PKHD1: variants seen among roughly 807,000 people sequenced by gnomAD.
The protein encoded by PKHD1 is PKHD1 ciliary IPT domain containing fibrocystin/polyductin.
A neutral mutation model predicts 412.0 loss-of-function variants in PKHD1; 291 were observed. The observed-to-expected ratio is 0.71, with a 90% confidence interval of 0.64 to 0.78. The LOEUF (loss-of-function observed/expected upper bound fraction) is 0.78. Among genes scored for constraint, PKHD1 ranks in the 30% least tolerant of loss-of-function variants. The probability of loss-of-function intolerance (pLI) is 0.00; values close to 1 mark genes in which losing one functional copy is unlikely to be tolerated. For synonymous variants in PKHD1, 1,777 were observed against 1,821.5 expected (o/e 0.98, Z 0.62); for missense variants, 4,825 against 4,950.7 (o/e 0.97, Z 0.76).
chr6:51,717,889 G>A (rs1781465829), intron 60 of PKHD1, among the ~76,000 whole-genome samples: 1 of 152,208 alleles, frequency 6.6e-6, no homozygotes. Flanking sequence ...TAAAGCCAGT[G>A]ACGTAGGCAA....
At chr6:51,666,231 GA>G (rs888083222) in intron 60 of PKHD1, among the ~76,000 whole-genome samples, 1 of 151,814 alleles carries the variant, frequency 6.6e-6, no homozygotes, top group Non-Finnish European at 1.5e-5. Flanking sequence ...TTTAAAATGA[GA>G]AAAAAATCAC....
intron 35 of PKHD1, among the ~76,000 whole-genome samples, chr6:51,968,805 C>T (rs978567892): frequency 2.6e-5 from 4 of 152,152 alleles, no homozygotes; most frequent in Admixed American, 6.5e-5. Context: ...GCAGGAGAAA[C>T]GTTGCTTTCA....
At chr6:52,060,138 A>G in intron 14 of PKHD1, 96 bp from the exon 15 acceptor site, 1 of 734,872 alleles carries the variant, frequency 1.4e-6, no homozygotes, top group South Asian at 1.4e-5. Context: ...CTTTTATGGT[A>G]ATAAAGAAGA....
chr6:51,716,674 T>C (rs184343897), intron 60 of PKHD1, among the ~76,000 whole-genome samples: 7 of 151,782 alleles, frequency 4.6e-5, no homozygotes, highest in Admixed American at 1.3e-4. Flanking sequence ...CCTTATTCCA[T>C]TGGACTCAGG....
At chr6:51,793,152 A>G (rs1794030021) in intron 52 of PKHD1, among the ~76,000 whole-genome samples, 1 of 152,162 alleles carries the variant, frequency 6.6e-6, no homozygotes, top group Admixed American at 6.5e-5. Flanking sequence ...ATGAATGATC[A>G]AGCTAAACAG....
At chr6:51,799,993 C>G (rs1980834) in intron 52 of PKHD1, among the ~76,000 whole-genome samples, 89,836 of 151,966 alleles carry the variant, frequency 0.59, 27,218 homozygotes, top group East Asian at 0.83. Context: ...TTGAGAGAAT[C>G]AGCACTGGCA....
intron 46 of PKHD1, among the ~76,000 whole-genome samples, chr6:51,871,377 G>C (rs9382045): frequency 0.82 from 79,992 of 97,318 alleles, 34,446 homozygotes; most frequent in East Asian, 0.92. Flanking sequence ...TGTGCAACAA[G>C]TTAGATGAAT....
intron 16 of PKHD1, among the ~76,000 whole-genome samples, chr6:52,057,255 A>C (rs938049038): frequency 6.6e-5 from 10 of 152,156 alleles, no homozygotes; most frequent in Non-Finnish European, 1.5e-4. Flanking sequence ...CTGCACTTTC[A>C]GCCCCTCTCA....
chr6:51,912,433 GT>G lies in PKHD1; in HGVS notation c.6264del (p.Lys2088AsnfsTer23). The G allele has an allele frequency of 1.2e-6, 2 of 1,613,044 alleles. No homozygotes were observed. Among genetic ancestry groups the G allele is most frequent in the African/African-American group, 2.7e-5 (2 of 74,930 alleles). On this transcript the variant is annotated frameshift_variant, in exon 38 of 67. Coordinates refer to ENST00000371117, the MANE Select transcript of PKHD1 (RefSeq NM_138694.4). LOFTEE classifies it high-confidence loss of function. ...IISGTGVKGA[K>X]PMEEIVTVET... ...TCCACAGTGACAATCTCTTCCATCG[GT>G]TTGGCACCTTTAACACCTGTTCCAC...
chr6:51,896,590 T>C (rs909539839), intron 43 of PKHD1, among the ~76,000 whole-genome samples: 4 of 151,564 alleles, frequency 2.6e-5, no homozygotes, highest in South Asian at 2.1e-4. Context: ...AACTGGAAAC[T>C]CTAAAAAGCA....
intron 37 of PKHD1, among the ~76,000 whole-genome samples, chr6:51,925,436 T>C (rs1186033776): frequency 9.4e-6 from 1 of 106,824 alleles, no homozygotes; most frequent in Admixed American, 1.1e-4. Flanking sequence ...TAAATTGTTC[T>C]TCGTGTGTGT....
chr6:51,780,649 C>A (rs1392015314), intron 53 of PKHD1, among the ~76,000 whole-genome samples: 1 of 151,954 alleles, frequency 6.6e-6, no homozygotes, highest in Non-Finnish European at 1.5e-5. Context: ...AGAATGAGAT[C>A]TCACTACATA....
chr6:51,874,376 C>CTA (rs879617637), intron 46 of PKHD1, among the ~76,000 whole-genome samples: 26 of 152,234 alleles, frequency 1.7e-4, no homozygotes, highest in Middle Eastern at 3.4e-3. Flanking sequence ...TATCGTCATG[C>CTA]TATATAGCAC....
chr6:51,983,869 C>T (rs1795892813), intron 35 of PKHD1, among the ~76,000 whole-genome samples: 1 of 152,240 alleles, frequency 6.6e-6, no homozygotes, highest in African/African-American at 2.4e-5. Flanking sequence ...AAAGGCACAG[C>T]TTTCAAGAGA....
chr6:51,748,687 C>G (rs369629901), intron 57 of PKHD1, 22 bp from the exon 58 acceptor site: 1 of 1,611,220 alleles, frequency 6.2e-7, no homozygotes, highest in Non-Finnish European at 8.5e-7. Context: ...TGCATGTCAT[C>G]AGGTACTTTC....
intron 60 of PKHD1, among the ~76,000 whole-genome samples, chr6:51,727,781 A>T (rs1782758567): frequency 6.6e-6 from 1 of 152,152 alleles, no homozygotes; most frequent in African/African-American, 2.4e-5. Flanking sequence ...CCATTCAATT[A>T]ACACTTCAGT....
At chr6:52,037,025 T>TGA (rs1804068269) in intron 27 of PKHD1, among the ~76,000 whole-genome samples, 2 of 152,170 alleles carry the variant, frequency 1.3e-5, no homozygotes, top group African/African-American at 4.8e-5. Context: ...TGCCATATCT[T>TGA]ATACAGTAAC....
intron 35 of PKHD1, among the ~76,000 whole-genome samples, chr6:51,979,209 G>A (rs1183241686): frequency 6.6e-6 from 1 of 152,112 alleles, no homozygotes; most frequent in African/African-American, 2.4e-5. Context: ...TGTGTCTGAA[G>A]ACTACAGGTG....
intron 60 of PKHD1, among the ~76,000 whole-genome samples, chr6:51,720,586 AC>A (rs1232578208): frequency 6.6e-6 from 1 of 152,164 alleles, no homozygotes; most frequent in Non-Finnish European, 1.5e-5. Flanking sequence ...TCCAAGAGCC[AC>A]CTGCCTTGAC....
Sources: gnomAD v4.1 joint callset for allele counts (sites outside exome capture counted in the v4.1 genomes callset) on GRCh38, gnomAD v4.1.1 for gene constraint, MANE v1.5 for transcripts, NCBI Gene and HGNC (gene_info 2026-07-23, HGNC 2026-07-21) for gene names.